Variants in BTG4 observed in about 807,000 individuals in gnomAD.
BTG4 encodes the protein protein BTG4.
Under a neutral mutation model 19.3 loss-of-function variants are expected in BTG4, and 10 were observed. That is an observed-to-expected ratio of 0.52 (90% CI 0.32 to 0.88). BTG4 has a LOEUF of 0.88. Among genes scored for constraint, BTG4 ranks in the 40% least tolerant of loss-of-function variants. BTG4 has a pLI of 0.04. For missense variants in BTG4, 238 were observed against 281.9 expected, an observed-to-expected ratio of 0.84 and a Z score of 1.11; for synonymous variants, 91 against 95.7, an observed-to-expected ratio of 0.95 and a Z score of 0.29.
chr11:111,513,467 T>C (rs375584546), upstream of BTG4: 6 of 534,514 alleles, frequency 1.1e-5, no homozygotes, highest in Non-Finnish European at 1.9e-5. Flanking sequence ...TGTAGTTAGC[T>C]GATTGCTAAT....
chr11:111,401,852 T>C, the BTG4 span, among the ~76,000 whole-genome samples: 8 of 152,322 alleles, frequency 5.3e-5, no homozygotes, highest in African/African-American at 1.2e-4. Context: ...TCTCAGAAAG[T>C]ATGTGTTGAG....
At chr11:111,394,846 T>G in the BTG4 span, among the ~76,000 whole-genome samples, 1 of 152,204 alleles carries the variant, frequency 6.6e-6, no homozygotes, top group Non-Finnish European at 1.5e-5. Flanking sequence ...GTCCTATCTT[T>G]GTTGGCTTAA....
At chr11:111,415,085 A>C in the BTG4 span, 1 of 152,210 alleles carries the variant, frequency 6.6e-6, no homozygotes, top group African/African-American at 2.4e-5. Context: ...TTGCAGTTGC[A>C]AGATGGCCCC....
intron 1 of BTG4, among the ~76,000 whole-genome samples, chr11:111,506,311 T>C (rs1206038876): frequency 6.6e-6 from 1 of 152,006 alleles, no homozygotes; most frequent in East Asian, 1.9e-4. Flanking sequence ...AAAAGAAGAA[T>C]GAAATCATGT....
chr11:111,499,702 G>A lies in BTG4; in HGVS notation c.-26-900C>T, dbSNP rs188457726. On this transcript the variant is annotated intron_variant, in intron 1 of 4. Transcript: ENST00000692032. ...ACAAAATTTGTTACGACAACTTTGA[G>A]CAGTCATTATGTTGACTACACATTT... Among the ~76,000 whole-genome samples the A allele has an allele frequency of 4.4e-4, 67 of 152,238 alleles. 2 individuals carry two copies. The East Asian group carries it at 0.013, about 29-fold the overall frequency.
At chr11:111,482,213 T>C (rs1236297940) in intron 5 of BTG4, among the ~76,000 whole-genome samples, 1 of 152,006 alleles carries the variant, frequency 6.6e-6, no homozygotes, top group Non-Finnish European at 1.5e-5. Flanking sequence ...ACTAAAAATA[T>C]AACACCATTT....
chr11:111,417,308 C>G, the BTG4 span: 2 of 151,144 alleles, frequency 1.3e-5, no homozygotes, highest in South Asian at 4.2e-4. Context: ...CTTCTCTCTT[C>G]CTCTTCCTCT....
chr11:111,492,440 G>T (rs75024363), downstream of BTG4, among the ~76,000 whole-genome samples: 1 of 152,094 alleles, frequency 6.6e-6, no homozygotes, highest in Admixed American at 6.6e-5. Flanking sequence ...TTTTTACAGC[G>T]ATTAGTTCTC....
chr11:111,491,073 AC>A (rs1479637390), downstream of BTG4, among the ~76,000 whole-genome samples: 1 of 152,228 alleles, frequency 6.6e-6, no homozygotes, highest in Non-Finnish European at 1.5e-5. Context: ...ACATGCAGCA[AC>A]CTGGATGAAT....
At chr11:111,386,780 G>A in the BTG4 span, among the ~76,000 whole-genome samples, 33 of 152,310 alleles carry the variant, frequency 2.2e-4, 3 homozygotes, top group South Asian at 4.2e-3. Context: ...GTAAAATACC[G>A]AAGCCCATTG....
At chr11:111,413,065 G>C in the BTG4 span, among the ~76,000 whole-genome samples, 1 of 152,148 alleles carries the variant, frequency 6.6e-6, no homozygotes, top group South Asian at 2.1e-4. Flanking sequence ...GAGGCCACTG[G>C]GGTAAGTAGA....
the BTG4 span, among the ~76,000 whole-genome samples, chr11:111,430,101 G>C: frequency 1.9e-3 from 294 of 152,304 alleles, 9 homozygotes; most frequent in East Asian, 0.046. Flanking sequence ...ATCGGAGATA[G>C]GTCACAGTCA....
intron 1 of BTG4, among the ~76,000 whole-genome samples, chr11:111,500,679 C>CT (rs71303204): frequency 0.44 from 65,475 of 149,942 alleles, 15,173 homozygotes; most frequent in East Asian, 0.68. Flanking sequence ...GAGTAATCCT[C>CT]TTTTTTTTTT....
At chr11:111,462,690 G>A (rs776072331), downstream of BTG4, 12 of 152,448 alleles carry the variant, frequency 7.9e-5, no homozygotes, top group Non-Finnish European at 1.5e-4. Flanking sequence ...AGAGGAGTGG[G>A]AACAGGAGGC....
Position 111,499,459 on chromosome 11 carries a change from C to T in BTG4, c.-26-657G>A, listed in dbSNP as rs561744689. ...TTCATATGCCAATCTGGTCTCCATC[C>T]GATTGCTCCTTGGCATAAGTGGAGT... On this transcript the variant is annotated intron_variant, in intron 1 of 4. Transcript: ENST00000692032. Among the ~76,000 whole-genome samples, 6 of 152,292 alleles carry T rather than the reference C, an allele frequency of 3.9e-5. No homozygotes were observed. In the South Asian group the frequency reaches 8.3e-4, roughly 21 times the overall value.
downstream of BTG4, chr11:111,494,763 C>G (rs924134682): frequency 8.7e-6 from 5 of 575,944 alleles, no homozygotes; most frequent in Non-Finnish European, 1.1e-5. Context: ...CCCTTCTTTA[C>G]AAAAAATAAA....
At chr11:111,467,671 G>T (rs767741252) in exon 6 of BTG4, 4 of 771,808 alleles carry the variant, frequency 5.2e-6, no homozygotes, top group Non-Finnish European at 9.6e-6. Context: ...CCAGATGTGG[G>T]TTATAAAATT....
chr11:111,432,989 G>T, the BTG4 span, among the ~76,000 whole-genome samples: 4 of 152,012 alleles, frequency 2.6e-5, no homozygotes, highest in African/African-American at 9.7e-5. Context: ...ACCATGCCTG[G>T]CCTCAAGTAA....
chr11:111,413,408 G>A, the BTG4 span, among the ~76,000 whole-genome samples: 1 of 152,262 alleles, frequency 6.6e-6, no homozygotes, highest in African/African-American at 2.4e-5. Flanking sequence ...CACTGCTTTG[G>A]CATGGGCCTT....
Sources: allele counts gnomAD v4.1 joint callset (sites outside exome capture counted in the v4.1 genomes callset), GRCh38; gene constraint gnomAD v4.1.1; transcripts MANE v1.5; gene names NCBI Gene and HGNC (gene_info 2026-07-23, HGNC 2026-07-21).